RAD54B: variants seen among roughly 807,000 people sequenced by gnomAD.
RAD54B encodes RAD54 homolog B.
Under a neutral mutation model 95.8 loss-of-function variants are expected in RAD54B, and 78 were observed. The ratio of observed to expected loss-of-function variants is 0.81; its 90% CI spans 0.68 to 0.98. RAD54B has a LOEUF of 0.98. Among genes scored for constraint, RAD54B ranks in the 50% least tolerant of loss-of-function variants. The pLI, the probability that RAD54B is intolerant of heterozygous loss-of-function variation, is 0.00. For missense variants in RAD54B, 957 were observed against 1,056.6 expected, an observed-to-expected ratio of 0.91 and a Z score of 1.31; for synonymous variants, 328 against 354.9, an observed-to-expected ratio of 0.92 and a Z score of 0.85.
At chr8:94,420,106 G>A (rs1586154449) in intron 3 of RAD54B, among the ~76,000 whole-genome samples, 1 of 152,220 alleles carries the variant, frequency 6.6e-6, no homozygotes, top group Admixed American at 6.5e-5. Context: ...ATCTAGGTTT[G>A]AGGAAGTACA....
At chr8:94,447,650 A>G (rs1812555121) in intron 3 of RAD54B, among the ~76,000 whole-genome samples, 2 of 152,198 alleles carry the variant, frequency 1.3e-5, no homozygotes, top group Admixed American at 1.3e-4. Context: ...TAAGACTGGG[A>G]TTAGAAAAAC....
At chr8:94,447,463 T>C (rs1046524967) in intron 3 of RAD54B, among the ~76,000 whole-genome samples, 1 of 152,224 alleles carries the variant, frequency 6.6e-6, no homozygotes, top group African/African-American at 2.4e-5. Flanking sequence ...ATAGTCAACA[T>C]TATGTTTGCT....
In RAD54B at chr8:94,467,679, C is replaced by G. The variant is rs999016286; in HGVS notation, c.-16-124G>C. Reference sequence around the variant, plus strand: ...CCCCTCTTATGGGCCTGCCTGGCCCCCCAAGCATAGAAACAAAAGGAAAAT... The same window carrying G: ...CCCCTCTTATGGGCCTGCCTGGCCCGCCAAGCATAGAAACAAAAGGAAAAT... On this transcript the variant is annotated intron_variant, in intron 1 of 14. Transcript: ENST00000336148. 5.7e-5 allele frequency: 53 copies of G among 931,306 alleles called. No homozygotes were observed. The Admixed American group carries it at 6.1e-4, about 11-fold the overall frequency. The allele number at this position is 931,306 out of a possible 1,614,324, so 57.7% of individuals were successfully genotyped here.
intron 1 of RAD54B, among the ~76,000 whole-genome samples, chr8:94,473,630 G>T (rs144417094): frequency 2.0e-3 from 298 of 152,284 alleles, no homozygotes; most frequent in African/African-American, 6.9e-3. Flanking sequence ...GATAGAGAAG[G>T]GGTAGTTCAA....
chr8:94,383,939 G>A (rs1810805202), intron 11 of RAD54B, among the ~76,000 whole-genome samples: 2 of 152,156 alleles, frequency 1.3e-5, no homozygotes, highest in African/African-American at 2.4e-5. Context: ...TGAAAATGGT[G>A]CAGTCCTCTA....
intron 9 of RAD54B, among the ~76,000 whole-genome samples, chr8:94,392,365 G>T (rs1811042821): frequency 1.3e-5 from 2 of 151,174 alleles, no homozygotes; most frequent in South Asian, 4.2e-4. Flanking sequence ...GGGTTCAAGG[G>T]AACCTCTTGC....
At chr8:94,374,423 A>T (rs568840399) in intron 14 of RAD54B, among the ~76,000 whole-genome samples, 1 of 152,324 alleles carries the variant, frequency 6.6e-6, no homozygotes, top group South Asian at 2.1e-4. Flanking sequence ...AAAAGACAGT[A>T]GAAATAAATA....
chr8:94,414,613 A>G (rs546684588), intron 3 of RAD54B, among the ~76,000 whole-genome samples: 5 of 152,308 alleles, frequency 3.3e-5, no homozygotes, highest in African/African-American at 1.2e-4. Context: ...GGTTCTGTTT[A>G]TATGCTGGAT....
chr8:94,460,733 G>T (rs1382802251), intron 2 of RAD54B, among the ~76,000 whole-genome samples: 1 of 151,836 alleles, frequency 6.6e-6, no homozygotes, highest in Admixed American at 6.6e-5. Flanking sequence ...TTCCTTTCTG[G>T]ATGCTCCAGG....
At position 94,407,778 on chromosome 8, in the gene RAD54B, C is replaced by T. The variant is rs1811431253; in HGVS notation, c.500-58G>A. Reference sequence around the variant, plus strand: ...ACTCTATGATACCACGGTCACCTTCCCGTAACTGTACAAAAAAACTGCACT... The same window carrying T: ...ACTCTATGATACCACGGTCACCTTCTCGTAACTGTACAAAAAAACTGCACT... On this transcript the variant is annotated intron_variant, in intron 4 of 14. Transcript: ENST00000336148. The T allele has an allele frequency of 4.2e-6, 6 of 1,442,540 alleles. No individual in the cohort carries two copies. The Admixed American group carries it at 1.1e-4, about 26-fold the overall frequency. 89.4% of individuals were successfully genotyped at this position (1,442,540 alleles called of 1,614,324 possible). A position where few individuals can be genotyped will look rare whatever the true frequency, so the allele number is the denominator to read the frequency against.
chr8:94,372,422 C>T (rs907117215), intron 14 of RAD54B, 35 bp from the exon 15 acceptor site: 1 of 1,605,660 alleles, frequency 6.2e-7, no homozygotes, highest in African/African-American at 1.3e-5. Flanking sequence ...AATCCTTAGG[C>T]AAGCCAATAT....
intron 3 of RAD54B, chr8:94,427,809 T>C (rs1293522422): frequency 2.1e-6 from 2 of 959,158 alleles, no homozygotes; most frequent in East Asian, 2.3e-4. Context: ...TTTATTACAC[T>C]CTAAGTTATT....
intron 3 of RAD54B, among the ~76,000 whole-genome samples, chr8:94,443,752 C>G (rs1266530697): frequency 6.6e-6 from 1 of 151,910 alleles, no homozygotes; most frequent in Non-Finnish European, 1.5e-5. Flanking sequence ...CAGAAACCCT[C>G]TTTTGGAAAG....
At chr8:94,465,527 G>A (rs1051994352) in intron 2 of RAD54B, among the ~76,000 whole-genome samples, 16 of 152,242 alleles carry the variant, frequency 1.1e-4, no homozygotes, top group African/African-American at 3.9e-4. Context: ...GTGTTCCTGA[G>A]GATGTAGATA....
At chr8:94,413,570 A>C (rs1811580353) in intron 3 of RAD54B, among the ~76,000 whole-genome samples, 1 of 152,222 alleles carries the variant, frequency 6.6e-6, no homozygotes, top group Non-Finnish European at 1.5e-5. Context: ...GATAGACCTA[A>C]ATGTAAAACC....
In RAD54B at chr8:94,393,773, G is replaced by T. The variant is rs775210474; in HGVS notation, c.1488C>A (p.Ile496=). ...SSYRKIYEEP[I]ILSREPSASE... is the part of the protein sequence containing the mutation. ...AAGCAGAAGGTTCTCTCGATAAAATGATGGGTTCTTCATATATTTTCCTAT... is the reference window on the plus strand; with the variant it reads ...AAGCAGAAGGTTCTCTCGATAAAATTATGGGTTCTTCATATATTTTCCTAT... Residue 496 remains isoleucine, a synonymous_variant, in exon 9 of 15, where the codon ATC becomes ATA. Coordinates refer to ENST00000336148, the MANE Select transcript of RAD54B (RefSeq NM_012415.3). 8.3e-5 allele frequency: 132 copies of T among 1,585,430 alleles called. No homozygotes were observed. The highest frequency in any genetic ancestry group is 1.1e-4 in the Non-Finnish European group (128 of 1,156,196).
At chr8:94,446,230 T>A (rs966948235) in intron 3 of RAD54B, among the ~76,000 whole-genome samples, 2 of 152,156 alleles carry the variant, frequency 1.3e-5, no homozygotes, top group African/African-American at 4.8e-5. Flanking sequence ...CAAACTCTTT[T>A]TAAGGCACAA....
chr8:94,393,985 C>T, intron 8 of RAD54B, 103 bp from the exon 9 acceptor site: 2 of 1,089,062 alleles, frequency 1.8e-6, no homozygotes, highest in Non-Finnish European at 2.6e-6. Context: ...AATTTATTCC[C>T]TAAAAGGAAT....
chr8:94,397,013 G>A (rs138093635), intron 8 of RAD54B, among the ~76,000 whole-genome samples: 7 of 152,214 alleles, frequency 4.6e-5, no homozygotes, highest in Non-Finnish European at 1.0e-4. Context: ...TTCCAGTCTC[G>A]AGAACTGTGA....
Sources: gnomAD v4.1 joint callset for allele counts (sites outside exome capture counted in the v4.1 genomes callset) on GRCh38, gnomAD v4.1.1 for gene constraint, MANE v1.5 for transcripts, NCBI Gene and HGNC (gene_info 2026-07-23, HGNC 2026-07-21) for gene names.